Variants in KLHL11 observed in about 807,000 individuals in gnomAD.
KLHL11 encodes kelch like family member 11.
A neutral mutation model predicts 56.1 loss-of-function variants in KLHL11; 26 were observed. That is an observed-to-expected ratio of 0.46 (90% CI 0.34 to 0.64). KLHL11 has a LOEUF of 0.64. KLHL11 is among the 30% of genes least tolerant of loss of function. The probability of loss-of-function intolerance (pLI) is 0.01; values close to 1 mark genes in which losing one functional copy is unlikely to be tolerated. For synonymous variants in KLHL11, 338 were observed against 345.8 expected (o/e 0.98, Z 0.25); for missense variants, 627 against 919.4 (o/e 0.68, Z 4.11).
intron 1 of KLHL11, among the ~76,000 whole-genome samples, chr17:41,861,086 G>A (rs1555623031): frequency 6.6e-6 from 1 of 152,136 alleles, no homozygotes; most frequent in African/African-American, 2.4e-5. Context: ...GAAAAACTAA[G>A]GAGGCTAAGG....
intron 1 of KLHL11, among the ~76,000 whole-genome samples, chr17:41,861,499 G>A (rs930196373): frequency 7.9e-5 from 12 of 151,840 alleles, no homozygotes; most frequent in African/African-American, 7.3e-5. Flanking sequence ...CAGCCTGGCC[G>A]ATACAGTGAA....
chr17:41,862,725 C>T (rs2048412313), intron 1 of KLHL11, among the ~76,000 whole-genome samples: 1 of 152,116 alleles, frequency 6.6e-6, no homozygotes, highest in African/African-American at 2.4e-5. Flanking sequence ...TAGAGAACCC[C>T]AGGGCTCAGT....
chr17:41,854,300 C>A lies in KLHL11; in HGVS notation c.1567G>T (p.Val523Leu), dbSNP rs1464476040. ...GTCTCTGTATCATAGCAAGTAATTACAGCCTTTAATCCATCTTCAGTGTCC... is the reference window on the plus strand; with the variant it reads ...GTCTCTGTATCATAGCAAGTAATTAAAGCCTTTAATCCATCTTCAGTGTCC... ...DRDTEDGLKAVITCYDTETRQ... is the reference protein window; with the variant it reads ...DRDTEDGLKALITCYDTETRQ... Residue 523 changes from valine (V) to leucine (L), a missense_variant, in exon 2 of 2, where the codon GTA becomes TTA. By Grantham distance (32) the Val-to-Leu change is conservative. Transcript: ENST00000319121. The surrounding 1 kb of genome is among the most constrained non-coding windows in gnomAD (Gnocchi z 4.9). The A allele has an allele frequency of 6.2e-7, 1 of 1,614,062 alleles. No homozygotes were observed. Among genetic ancestry groups the A allele is most frequent in the Admixed American group, 1.7e-5 (1 of 59,990 alleles).
In KLHL11 at chr17:41,853,998, A is replaced by G. The variant is rs2144151917; in HGVS notation, c.1869T>C (p.Ile623=). Residue 623 remains isoleucine (I), a synonymous_variant, in exon 2 of 2, where the codon ATT becomes ATC. Coordinates refer to ENST00000319121, the MANE Select transcript of KLHL11 (RefSeq NM_018143.3). ...AGGCTTCTTTCCGATACTGTTTATC[A>G]ATATCATCACTGTTTTTCCAGCCTC... The part of the protein sequence containing the change: ...IIGGWKNSDD[I]DKQYRKEAYR... 1 of 1,614,172 alleles carries G rather than the reference A, an allele frequency of 6.2e-7. No homozygotes were observed. The highest frequency in any genetic ancestry group is 8.5e-7 in the Non-Finnish European group (1 of 1,180,030).
chr17:41,858,563 G>T (rs1555622793), intron 1 of KLHL11, among the ~76,000 whole-genome samples: 1 of 151,964 alleles, frequency 6.6e-6, no homozygotes, highest in East Asian at 1.9e-4. Flanking sequence ...CTCCCGAGCA[G>T]CTAGGATTAT....
In KLHL11 at chr17:41,854,345, C is replaced by G. The variant is rs781982397; in HGVS notation, c.1522G>C (p.Ala508Pro). ...AIEDRFVYIA[A>P]RTPVDRDTED... ...GTGTCCCGGTCTACAGGAGTGCGGG[C>G]GGCAATGTATACAAACCGGTCTTCA... Residue 508 changes from alanine (A) to proline (P), a missense_variant, in exon 2 of 2, where the codon GCC becomes CCC. By Grantham distance (27) the Ala-to-Pro change is conservative. Around this residue, in one of 4 missense-constraint regions of KLHL11, gnomAD observed 250 missense variants for 360.6 expected, o/e 0.69. Coordinates refer to ENST00000319121, the MANE Select transcript of KLHL11 (RefSeq NM_018143.3). This position sits in a 1 kb window ranked among gnomAD's most constrained non-coding sequence, Gnocchi z 4.9. The G allele has an allele frequency of 6.2e-7, 1 of 1,614,008 alleles. No homozygotes were observed. The highest frequency in any genetic ancestry group is 1.3e-5 in the African/African-American group (1 of 74,876).
Position 41,865,348 on chromosome 17 carries a change from G to A in KLHL11, c.23C>T (p.Ala8Val). 2.1e-6 allele frequency: 3 copies of A among 1,440,696 alleles called. No individual in the cohort carries two copies. The highest frequency in any genetic ancestry group is 9.0e-7 in the Non-Finnish European group (1 of 1,110,008). The allele number at this position is 1,440,696 out of a possible 1,614,324, so 89.2% of individuals were successfully genotyped here. The change falls in exon 1 of 2, where the codon GCG becomes GTG. Residue 8 changes from alanine (A) to valine (V), a missense_variant. Ala to Val is a moderately conservative substitution (Grantham distance 64). Transcript: ENST00000319121. MAAAAVA[A>V]AAAAAAAASL... The stretch of plus-strand genomic sequence containing the variant: ...TGCAGCCGCGGCCGCCGCCGCCGCC[G>A]CCGCCACTGCCGCAGCCGCCATCTT...
Position 41,865,236 on chromosome 17 carries a change from C to G in KLHL11, c.135G>C (p.Thr45=). 1 of 1,595,096 alleles carries G rather than the reference C, an allele frequency of 6.3e-7. No individual in the cohort carries two copies. Among genetic ancestry groups the G allele is most frequent in the Non-Finnish European group, 8.5e-7 (1 of 1,173,402 alleles). ...TCCCCGGCCCAGGCCCGAAGTCCAC[C>G]GTGCCGCTGCCTCGGACCTCGGCGG... is the stretch of plus-strand genomic sequence containing the variant. The part of the protein sequence containing the change: ...GLAAEVRGSG[T]VDFGPGPGIS... The change falls in exon 1 of 2, where the codon ACG becomes ACC. Residue 45 remains threonine (T), a synonymous_variant. Coordinates refer to ENST00000319121, the MANE Select transcript of KLHL11 (RefSeq NM_018143.3).
At chr17:41,858,893 G>T (rs2048385393) in intron 1 of KLHL11, among the ~76,000 whole-genome samples, 1 of 152,138 alleles carries the variant, frequency 6.6e-6, no homozygotes. Flanking sequence ...CCTCTTAAAT[G>T]AAACAGGGTC....
At position 41,853,668 on chromosome 17, in the gene KLHL11, T is replaced by A. The variant is rs889893562; in HGVS notation, c.*72A>T. 1.0e-5 allele frequency: 15 copies of A among 1,503,072 alleles called. No homozygotes were observed. Among genetic ancestry groups the A allele is most frequent in the Middle Eastern group, 2.1e-4 (1 of 4,750 alleles). 93.1% of individuals were successfully genotyped at this position (1,503,072 alleles called of 1,614,324 possible). A position where few individuals can be genotyped will look rare whatever the true frequency, so the allele number is the denominator to read the frequency against. On this transcript the variant is annotated 3_prime_UTR_variant, in exon 2 of 2. Transcript: ENST00000319121. ...AAAATAAGTTATCGACATACTTTTTTAAATAACAGCCTGGGTATCTTCAGC... is the reference window on the plus strand; with the variant it reads ...AAAATAAGTTATCGACATACTTTTTAAAATAACAGCCTGGGTATCTTCAGC...
chr17:41,859,927 C>T lies in KLHL11; in HGVS notation c.546-4606G>A, dbSNP rs868934802. On this transcript the variant is annotated intron_variant, in intron 1 of 1. Coordinates refer to ENST00000319121, the MANE Select transcript of KLHL11 (RefSeq NM_018143.3). ...ACCACTGCTTTAAAAAGACTAAGTC[C>T]CCAGAACCGAGAAGAACCTTAAACA... 3.5e-4 allele frequency among the ~76,000 whole-genome samples: 54 copies of T among 152,140 alleles called. No individual in the cohort carries two copies. The Middle Eastern group carries it at 0.01, about 29-fold the overall frequency.
chr17:41,859,488 C>G (rs1419088996), intron 1 of KLHL11, among the ~76,000 whole-genome samples: 2 of 152,058 alleles, frequency 1.3e-5, no homozygotes, highest in African/African-American at 4.8e-5. Context: ...TCGCTTGAAC[C>G]CGGGAGGTGG....
intron 1 of KLHL11, 88 bp from the exon 2 acceptor site, chr17:41,855,409 C>CAAA: frequency 7.3e-6 from 7 of 952,790 alleles, no homozygotes; most frequent in South Asian, 3.5e-5. Flanking sequence ...GACAGGGTCT[C>CAAA]ACTCTGCCAC....
At chr17:41,864,164 C>T (rs932330739) in intron 1 of KLHL11, among the ~76,000 whole-genome samples, 19 of 152,214 alleles carry the variant, frequency 1.2e-4, no homozygotes, top group Admixed American at 1.2e-3. Context: ...AACGGTATTA[C>T]CTGCCTTCTA....
rs2048431645 is a variant in KLHL11 at position 41,865,184 on chromosome 17, C to A, written c.187G>T (p.Asp63Tyr). 6.2e-7 allele frequency: 1 copy of A among 1,609,234 alleles called. No homozygotes were observed. Among genetic ancestry groups the A allele is most frequent in the Non-Finnish European group, 8.5e-7 (1 of 1,178,566 alleles). Reference sequence around the variant, plus strand: ...AAATCCTCGGCTTCTGGGCCCGGATCGCCCCCGCTCGCCTCCATTGCAGAG... The same window carrying A: ...AAATCCTCGGCTTCTGGGCCCGGATAGCCCCCGCTCGCCTCCATTGCAGAG... ...GISAMEASGG[D>Y]PGPEAEDFEC... The change falls in exon 1 of 2, where the codon GAT becomes TAT. Residue 63 changes from aspartate to tyrosine, a missense_variant. Transcript: ENST00000319121.
chr17:41,851,599 CAAA>C lies in KLHL11; in HGVS notation c.*2138_*2140del, dbSNP rs782423316. 4.0e-5 allele frequency among the ~76,000 whole-genome samples: 5 copies of C among 123,580 alleles called. No homozygotes were observed. The highest frequency in any genetic ancestry group is 1.7e-4 in the Admixed American group (2 of 12,042). The allele number at this position is 123,580 out of a possible 152,430, so 81.1% of individuals were successfully genotyped here. A position where few individuals can be genotyped will look rare whatever the true frequency, so the allele number is the denominator to read the frequency against. Reference sequence around the variant, plus strand: ...CCAGGGCGACAAAGCGTGACTGTTTCAAAAAAAAAAAAAAAAGTTATTTTGAGG... The same window carrying C: ...CCAGGGCGACAAAGCGTGACTGTTTCAAAAAAAAAAAAAGTTATTTTGAGG... On this transcript the variant is annotated 3_prime_UTR_variant, in exon 2 of 2. Transcript: ENST00000319121.
intron 1 of KLHL11, among the ~76,000 whole-genome samples, chr17:41,859,488 C>T (rs1419088996): frequency 1.3e-5 from 2 of 152,058 alleles, no homozygotes; most frequent in Non-Finnish European, 1.5e-5. Flanking sequence ...TCGCTTGAAC[C>T]CGGGAGGTGG....
chr17:41,859,934 C>T (rs938566784), intron 1 of KLHL11, among the ~76,000 whole-genome samples: 2 of 152,174 alleles, frequency 1.3e-5, no homozygotes, highest in Non-Finnish European at 2.9e-5. Context: ...GTCCCCAGAA[C>T]CGAGAAGAAC....
At position 41,857,278 on chromosome 17, in the gene KLHL11, G is replaced by A. The variant is rs375983684; in HGVS notation, c.546-1957C>T. Reference sequence around the variant, plus strand: ...TCCCAGCACTTTGGGAGGCCAAGGCGGGTGGACCATGAGGTCAGGAGTTCG... The same window carrying A: ...TCCCAGCACTTTGGGAGGCCAAGGCAGGTGGACCATGAGGTCAGGAGTTCG... On this transcript the variant is annotated intron_variant, in intron 1 of 1. Coordinates refer to ENST00000319121, the MANE Select transcript of KLHL11 (RefSeq NM_018143.3). Among the ~76,000 whole-genome samples the A allele has an allele frequency of 3.1e-4, 47 of 152,050 alleles. No individual in the cohort carries two copies. In the East Asian group the frequency reaches 5.6e-3, roughly 18 times the overall value.
Sources: gnomAD v4.1 joint callset for allele counts (sites outside exome capture counted in the v4.1 genomes callset) on GRCh38, gnomAD v4.1.1 for gene constraint, gnomAD v4.1.1 regional missense constraint, Gnocchi (gnomAD v3.1) non-coding constraint, MANE v1.5 for transcripts, NCBI Gene and HGNC (gene_info 2026-07-23, HGNC 2026-07-21) for gene names.